PALS2: variants seen among roughly 807,000 people sequenced by gnomAD.
PALS2 encodes the protein protein PALS2.
A neutral mutation model predicts 61.6 loss-of-function variants in PALS2; 27 were observed. The ratio of observed to expected loss-of-function variants is 0.44; its 90% confidence interval spans 0.32 to 0.60. The LOEUF is 0.60. Among genes scored for constraint, PALS2 ranks in the 20% least tolerant of loss-of-function variants. PALS2 has a pLI of 0.05. For missense variants in PALS2, 554 were observed against 639.4 expected (o/e 0.87, Z 1.44); for synonymous variants, 236 against 218.6 (o/e 1.08, Z -0.70).
intron 3 of PALS2, among the ~76,000 whole-genome samples, chr7:24,642,790 C>G (rs113031512): frequency 6.6e-5 from 10 of 152,248 alleles, no homozygotes; most frequent in African/African-American, 2.4e-4. Flanking sequence ...GGACACATAT[C>G]TCAGAGACAT....
intron 1 of PALS2, among the ~76,000 whole-genome samples, chr7:24,609,590 T>C (rs1784041689): frequency 6.6e-6 from 1 of 152,122 alleles, no homozygotes; most frequent in South Asian, 2.1e-4. Context: ...TGCCAGTGGT[T>C]TCCTGTTTGA....
intron 2 of PALS2, chr7:24,624,254 A>C (rs1371061770): frequency 1.8e-6 from 1 of 562,514 alleles, no homozygotes; most frequent in Non-Finnish European, 2.7e-6. Flanking sequence ...TCAACTCTGG[A>C]GTAATCTCTT....
intron 2 of PALS2, among the ~76,000 whole-genome samples, chr7:24,631,627 A>G (rs1242754952): frequency 6.6e-6 from 1 of 152,198 alleles, no homozygotes; most frequent in Admixed American, 6.5e-5. Context: ...ATTGCATGCT[A>G]TGGAGAAATC....
chr7:24,666,130 C>T lies in PALS2; in HGVS notation c.952+41C>T, dbSNP rs1255729267. 3.9e-6 allele frequency: 6 copies of T among 1,519,588 alleles called. No homozygotes were observed. In the South Asian group the frequency reaches 4.5e-5, roughly 12 times the overall value. The allele number at this position is 1,519,588 out of a possible 1,614,324, so 94.1% of individuals were successfully genotyped here. A position where few individuals can be genotyped will look rare whatever the true frequency, so the allele number is the denominator to read the frequency against. The stretch of plus-strand genomic sequence containing the variant: ...TTTTTGAGAAGTCCAAGTGAAGTAG[C>T]TATATGTCATTTAGTGTGGCATAAA... On this transcript the variant is annotated intron_variant, in intron 8 of 11. Transcript: ENST00000222644.
At chr7:24,584,606 G>A (rs1435185659) in intron 1 of PALS2, among the ~76,000 whole-genome samples, 1 of 151,468 alleles carries the variant, frequency 6.6e-6, no homozygotes, top group Non-Finnish European at 1.5e-5. Context: ...CTCCCATTTT[G>A]TAGGTTGCCT....
At chr7:24,654,749 C>G (rs1786329611) in intron 5 of PALS2, among the ~76,000 whole-genome samples, 1 of 152,078 alleles carries the variant, frequency 6.6e-6, no homozygotes, top group Non-Finnish European at 1.5e-5. Context: ...AGCCAAGACA[C>G]TTTTGAATCA....
intron 1 of PALS2, among the ~76,000 whole-genome samples, chr7:24,589,861 A>C (rs1469107808): frequency 2.0e-5 from 3 of 152,096 alleles, no homozygotes; most frequent in Non-Finnish European, 4.4e-5. Flanking sequence ...TATATTAGTA[A>C]AGTGGTTCTC....
At chr7:24,619,982 A>ATAC (rs1784435000) in intron 1 of PALS2, 1 of 152,094 alleles carries the variant, frequency 6.6e-6, no homozygotes, top group Non-Finnish European at 1.5e-5. Flanking sequence ...GTTTTTACAT[A>ATAC]TACTAGAGTT....
At chr7:24,599,505 C>CA (rs1219747892) in intron 1 of PALS2, among the ~76,000 whole-genome samples, 1 of 116,612 alleles carries the variant, frequency 8.6e-6, no homozygotes, top group Non-Finnish European at 1.8e-5. Flanking sequence ...CTTCTATAAG[C>CA]TTTTTTTTTT....
At position 24,693,108 on chromosome 7, in the gene PALS2, A is replaced by G. The variant is rs940176230; in HGVS notation, c.*5494A>G. The G allele has an allele frequency of 6.6e-6, 1 of 152,118 alleles. No homozygotes were observed. The highest frequency in any genetic ancestry group is 6.6e-5 in the Admixed American group (1 of 15,258). The allele number at this position is 152,118 out of a possible 1,614,324, so 9.4% of individuals were successfully genotyped here. ...CTCCTACTGGCTCTTACTGTTTTCT[A>G]ATCTCCAGTGTAAATGGAATGAACA... On this transcript the variant is annotated 3_prime_UTR_variant, in exon 12 of 12. Transcript: ENST00000222644.
chr7:24,607,195 G>C (rs1407949184), intron 1 of PALS2, among the ~76,000 whole-genome samples: 1 of 152,122 alleles, frequency 6.6e-6, no homozygotes, highest in Non-Finnish European at 1.5e-5. Context: ...TGGGGAAAAT[G>C]AGATTATAAT....
chr7:24,609,102 G>A (rs1041740532), intron 1 of PALS2, among the ~76,000 whole-genome samples: 3 of 152,092 alleles, frequency 2.0e-5, no homozygotes, highest in Non-Finnish European at 2.9e-5. Flanking sequence ...TTTTCCCCCA[G>A]TTTAGTTTGC....
Position 24,618,634 on chromosome 7 carries a change from A to G in PALS2, c.-2-5032A>G, listed in dbSNP as rs918934303. 6.6e-6 allele frequency among the ~76,000 whole-genome samples: 1 copy of G among 152,214 alleles called. No individual in the cohort carries two copies. The highest frequency in any genetic ancestry group is 2.4e-5 in the African/African-American group (1 of 41,454). ...TGTAGTAAGGATTGCATGTGTTTGC[A>G]GTGGGAGTGGAGGCTGCTGAGGTTC... On this transcript the variant is annotated intron_variant, in intron 1 of 11. Transcript: ENST00000222644. The surrounding 1 kb of genome is among the most constrained non-coding windows in gnomAD (Gnocchi z 5.1).
At chr7:24,648,777 C>G (rs922995757) in intron 3 of PALS2, among the ~76,000 whole-genome samples, 1 of 151,546 alleles carries the variant, frequency 6.6e-6, no homozygotes, top group Non-Finnish European at 1.5e-5. Context: ...TGGTGGCATG[C>G]GCCTGTAGTC....
chr7:24,684,171 C>G (rs538080232), intron 11 of PALS2, among the ~76,000 whole-genome samples: 12 of 152,028 alleles, frequency 7.9e-5, no homozygotes, highest in Admixed American at 5.9e-4. Flanking sequence ...GCAGTCTCGA[C>G]TCACTGCAAC....
intron 9 of PALS2, among the ~76,000 whole-genome samples, chr7:24,676,458 T>C (rs1487402812): frequency 6.6e-6 from 1 of 152,122 alleles, no homozygotes; most frequent in Non-Finnish European, 1.5e-5. Context: ...CCCATGCCTG[T>C]GTCCTGAATG....
intron 5 of PALS2, among the ~76,000 whole-genome samples, chr7:24,658,453 C>T (rs922457863): frequency 1.3e-5 from 2 of 152,128 alleles, no homozygotes. Flanking sequence ...TTATTTCCTC[C>T]CTCTTTGCGT....
At chr7:24,630,352 G>T (rs776685079) in intron 2 of PALS2, among the ~76,000 whole-genome samples, 5 of 152,040 alleles carry the variant, frequency 3.3e-5, no homozygotes, top group South Asian at 4.1e-4. Context: ...GCAAGGGGAG[G>T]GGGGATAGCA....
intron 5 of PALS2, among the ~76,000 whole-genome samples, chr7:24,662,467 C>G (rs968001837): frequency 6.6e-6 from 1 of 151,998 alleles, no homozygotes; most frequent in African/African-American, 2.4e-5. Flanking sequence ...TAAAACAAGT[C>G]TGTTTTAAGA....
Sources: gnomAD v4.1 joint callset for allele counts (sites outside exome capture counted in the v4.1 genomes callset) on GRCh38, gnomAD v4.1.1 for gene constraint, Gnocchi (gnomAD v3.1) non-coding constraint, MANE v1.5 for transcripts, NCBI Gene and HGNC (gene_info 2026-07-23, HGNC 2026-07-21) for gene names.